The following TOX2 variants were observed in gnomAD, a reference collection of about 807,000 sequenced individuals.
The protein encoded by TOX2 is TOX high mobility group box family member 2.
Under a neutral mutation model 47.4 loss-of-function variants are expected in TOX2, and 15 were observed. The ratio of observed to expected loss-of-function variants is 0.32; its 90% confidence interval spans 0.21 to 0.49. The LOEUF (loss-of-function observed/expected upper bound fraction) is 0.49, where lower values mean the gene tolerates loss of function less well. Ranked by LOEUF, TOX2 falls within the 20% of genes least tolerant of loss-of-function variation. The probability of loss-of-function intolerance (pLI) is 0.99; values close to 1 mark genes in which losing one functional copy is unlikely to be tolerated. For synonymous variants in TOX2, 290 were observed against 296.6 expected (o/e 0.98, Z 0.23); for missense variants, 622 against 673.1 (o/e 0.92, Z 0.84).
rs2071883480 is a variant in TOX2 at position 44,068,820 on chromosome 20, G to A, written c.*134G>A. On this transcript the variant is annotated 3_prime_UTR_variant, in exon 9 of 9. Coordinates refer to ENST00000341197, the MANE Select transcript of TOX2 (RefSeq NM_001098797.2). ...GAGCAGTGACACACCCATTGCCCGG[G>A]GGCTGAGTCTCTTCCTCAACCTCCC... is the stretch of plus-strand genomic sequence containing the variant. 2 of 1,224,788 alleles carry A rather than the reference G, an allele frequency of 1.6e-6. No individual in the cohort carries two copies. Among genetic ancestry groups the A allele is most frequent in the Middle Eastern group, 1.9e-4 (1 of 5,388 alleles). 75.9% of individuals were successfully genotyped at this position (1,224,788 alleles called of 1,614,324 possible). A position where few individuals can be genotyped will look rare whatever the true frequency, so the allele number is the denominator to read the frequency against.
chr20:43,970,060 T>C (rs933993306), intron 1 of TOX2, among the ~76,000 whole-genome samples: 5 of 152,146 alleles, frequency 3.3e-5, no homozygotes, highest in Admixed American at 2.0e-4. Flanking sequence ...GCACCTGTTA[T>C]GCGCCAGGCC....
intron 1 of TOX2, among the ~76,000 whole-genome samples, chr20:43,952,533 G>T (rs1051667608): frequency 6.6e-6 from 1 of 152,268 alleles, no homozygotes; most frequent in Middle Eastern, 3.4e-3. Flanking sequence ...GAACCTTGCT[G>T]GTCCTCTAGA....
At position 43,916,077 on chromosome 20, in the gene TOX2, G is replaced by A. The variant is rs531351091; in HGVS notation, c.99+1087G>A. ...AGGAAGCCAGACTGTCCGCGCGTCC[G>A]CCAGTCGGTGCGTCGGTCCCGGGCC... is the stretch of plus-strand genomic sequence containing the variant. On this transcript the variant is annotated intron_variant, in intron 1 of 8. Transcript: ENST00000341197. This position sits in a 1 kb window ranked among gnomAD's most constrained non-coding sequence, Gnocchi z 5.0. The A allele has an allele frequency of 1.6e-4, 158 of 970,172 alleles. No homozygotes were observed. The African/African-American group carries it at 2.6e-3, about 16-fold the overall frequency. The allele number at this position is 970,172 out of a possible 1,614,324, so 60.1% of individuals were successfully genotyped here.
chr20:43,982,227 G>A (rs924396862), intron 2 of TOX2, among the ~76,000 whole-genome samples: 1 of 152,102 alleles, frequency 6.6e-6, no homozygotes, highest in South Asian at 2.1e-4. Context: ...GAGTTGGTGG[G>A]CCAAGAGCCA....
intron 1 of TOX2, among the ~76,000 whole-genome samples, chr20:43,925,432 C>T (rs1012266226): frequency 5.3e-5 from 8 of 152,126 alleles, no homozygotes; most frequent in Non-Finnish European, 1.2e-4. Flanking sequence ...CTTTGTCCCT[C>T]GGGTAGGCCA....
chr20:44,065,719 C>A lies in TOX2; in HGVS notation c.968C>A (p.Pro323Gln). The A allele has an allele frequency of 6.3e-7, 1 of 1,582,974 alleles. No individual in the cohort carries two copies. Residue 323 changes from proline (P) to glutamine (Q), a missense_variant, in exon 7 of 9, where the codon CCA becomes CAA. Pro to Gln is a moderately conservative substitution (Grantham distance 76, BLOSUM62 -1). This residue lies in a region of TOX2 where 294 missense variants were observed against 300.0 expected (regional missense o/e 0.98). Transcript: ENST00000341197. Reference protein sequence around the residue: ...YRASLVSKSSPDQGETKSTQA... With the variant: ...YRASLVSKSSQDQGETKSTQA... The stretch of plus-strand genomic sequence containing the variant: ...ATATCTGTCTCCTTCCAGAGCTCCC[C>A]AGATCAAGGTGAGACCAAGAGCACT...
chr20:43,931,767 A>T (rs924259988), intron 1 of TOX2, among the ~76,000 whole-genome samples: 1 of 152,228 alleles, frequency 6.6e-6, no homozygotes, highest in Non-Finnish European at 1.5e-5. Flanking sequence ...GGGAGAATTG[A>T]TGATGGCTTG....
intron 2 of TOX2, among the ~76,000 whole-genome samples, chr20:43,993,048 TC>T (rs1357216456): frequency 1.3e-5 from 2 of 151,686 alleles, no homozygotes; most frequent in Non-Finnish European, 1.5e-5. Context: ...GATGTTCGAG[TC>T]CCCGCTGAAT....
At chr20:43,962,346 G>T (rs1362717726) in intron 1 of TOX2, among the ~76,000 whole-genome samples, 1 of 152,226 alleles carries the variant, frequency 6.6e-6, no homozygotes, top group African/African-American at 2.4e-5. Context: ...GCTGCCCTAG[G>T]TTGGAGCTGG....
chr20:43,934,930 TG>T (rs2069305113), intron 1 of TOX2, among the ~76,000 whole-genome samples: 1 of 152,080 alleles, frequency 6.6e-6, no homozygotes, highest in Admixed American at 6.5e-5. Context: ...CTATTTTTGC[TG>T]TAAGTGTTTT....
At chr20:44,030,692 A>G (rs1325489864) in intron 3 of TOX2, among the ~76,000 whole-genome samples, 2 of 151,876 alleles carry the variant, frequency 1.3e-5, no homozygotes, top group East Asian at 1.9e-4. Flanking sequence ...TGAGCTCCAC[A>G]GGGCAGGGGA....
At chr20:43,921,197 C>T (rs1330116377) in intron 1 of TOX2, among the ~76,000 whole-genome samples, 8 of 152,312 alleles carry the variant, frequency 5.3e-5, no homozygotes, top group South Asian at 2.1e-4. Flanking sequence ...AGCCTGTAGG[C>T]GGGAAGAGGA....
chr20:43,962,145 C>T (rs1482442808), intron 1 of TOX2, among the ~76,000 whole-genome samples: 1 of 152,216 alleles, frequency 6.6e-6, no homozygotes, highest in Admixed American at 6.5e-5. Context: ...TAATTTTTGC[C>T]ATAAATCTGC....
chr20:43,982,669 T>TG (rs2070188777), intron 2 of TOX2, among the ~76,000 whole-genome samples: 1 of 151,646 alleles, frequency 6.6e-6, no homozygotes, highest in African/African-American at 2.4e-5. Flanking sequence ...CACAGCATGG[T>TG]GGCTGAGCTG....
intron 1 of TOX2, among the ~76,000 whole-genome samples, chr20:43,956,358 C>T (rs1029310014): frequency 6.6e-6 from 1 of 151,998 alleles, no homozygotes; most frequent in Admixed American, 6.5e-5. Context: ...GTCAGGAGTT[C>T]GAGACCAGCC....
chr20:44,043,438 T>C (rs1340390420), intron 3 of TOX2, among the ~76,000 whole-genome samples: 1 of 152,226 alleles, frequency 6.6e-6, no homozygotes, highest in South Asian at 2.1e-4. Context: ...TTTTACTACA[T>C]TTTCATATAT....
At chr20:44,065,024 C>A (rs568665327) in intron 6 of TOX2, among the ~76,000 whole-genome samples, 167 bp downstream of exon 6, 2 of 152,228 alleles carry the variant, frequency 1.3e-5, no homozygotes, top group African/African-American at 4.8e-5. Flanking sequence ...CAGGCTCATT[C>A]TGGGCACTTT....
At chr20:43,950,450 A>G (rs995044917) in intron 1 of TOX2, among the ~76,000 whole-genome samples, 1 of 151,580 alleles carries the variant, frequency 6.6e-6, no homozygotes, top group East Asian at 1.9e-4. Flanking sequence ...TGTGGGGCAC[A>G]CTCCATCCCC....
At chr20:44,011,349 C>T (rs1323838865) in intron 3 of TOX2, among the ~76,000 whole-genome samples, 1 of 152,142 alleles carries the variant, frequency 6.6e-6, no homozygotes, top group African/African-American at 2.4e-5. Flanking sequence ...ACAAGATGCC[C>T]TTGAGGGACT....
Sources: allele counts gnomAD v4.1 joint callset (sites outside exome capture counted in the v4.1 genomes callset), GRCh38; gene constraint gnomAD v4.1.1; regional missense constraint gnomAD v4.1.1; non-coding constraint Gnocchi (gnomAD v3.1); transcripts MANE v1.5; gene names NCBI Gene and HGNC (gene_info 2026-07-23, HGNC 2026-07-21).